TMEM132E: variants seen among roughly 807,000 people sequenced by gnomAD.
The protein encoded by TMEM132E is transmembrane protein 132E.
TMEM132E carries 49 observed loss-of-function variants against 78.5 expected under a neutral mutation model. The observed-to-expected ratio is 0.62, with a 90% CI of 0.50 to 0.79. The LOEUF is 0.79. Ranked by LOEUF, TMEM132E falls within the 30% of genes least tolerant of loss-of-function variation. The pLI is 0.00. For missense variants in TMEM132E, 1,403 were observed against 1,470.9 expected (o/e 0.95, Z 0.75); for synonymous variants, 715 against 670.6 (o/e 1.07, Z -1.02).
intron 1 of TMEM132E, among the ~76,000 whole-genome samples, chr17:34,587,134 A>G (rs1313458264): frequency 1.3e-5 from 2 of 152,030 alleles, no homozygotes; most frequent in African/African-American, 4.8e-5. Context: ...GGATAGGATG[A>G]CTCCTAAAAT....
intron 1 of TMEM132E, among the ~76,000 whole-genome samples, chr17:34,586,129 C>G (rs751892169): frequency 7.4e-4 from 112 of 152,134 alleles, no homozygotes; most frequent in Non-Finnish European, 1.3e-3. Context: ...CGCCTCTCTC[C>G]CCAAGCACAC....
intron 1 of TMEM132E, among the ~76,000 whole-genome samples, chr17:34,620,697 T>C (rs942522706): frequency 5.9e-5 from 9 of 152,206 alleles, no homozygotes; most frequent in African/African-American, 2.2e-4. Context: ...ATCCTCCTGA[T>C]CTGTCAGAGT....
Position 34,580,876 on chromosome 17 carries a change from C to A in TMEM132E, c.-201C>A, listed in dbSNP as rs937965512. ...CTCCCGCCCGGAGCTGCGCCCCCAC[C>A]GGCTCCGAGGGTGTAGCCGCCAGCG... On this transcript the variant is annotated 5_prime_UTR_variant, in exon 1 of 9. Transcript: ENST00000631683. The A allele has an allele frequency of 2.1e-6, 1 of 466,106 alleles. No homozygotes were observed. 28.9% of individuals were successfully genotyped at this position (466,106 alleles called of 1,614,324 possible).
Position 34,634,843 on chromosome 17 carries a change from G to A in TMEM132E, c.1733G>A (p.Arg578Gln), listed in dbSNP as rs755311028. 17 of 1,613,866 alleles carry A rather than the reference G, an allele frequency of 1.1e-5. No individual in the cohort carries two copies. The highest frequency in any genetic ancestry group is 2.2e-5 in the South Asian group (2 of 91,078). Residue 578 changes from arginine to glutamine, a missense_variant, in exon 7 of 9, where the codon CGG becomes CAG. Around this residue, in one of 3 missense-constraint regions of TMEM132E, gnomAD observed 888 missense variants for 952.8 expected, o/e 0.93. Transcript: ENST00000631683. ...SEDEDEEEEE[R>Q]RQSASRGCTL... ...GATGAGGATGAGGAGGAGGAGGAGC[G>A]GCGGCAGAGTGCAAGCCGTGGCTGC...
intron 1 of TMEM132E, among the ~76,000 whole-genome samples, chr17:34,595,086 T>C (rs2142055245): frequency 6.6e-6 from 1 of 152,326 alleles, no homozygotes; most frequent in South Asian, 2.1e-4. Flanking sequence ...TGTCATTCTG[T>C]AGGAACCACT....
chr17:34,606,938 C>T (rs1285296991), intron 1 of TMEM132E, among the ~76,000 whole-genome samples: 2 of 152,176 alleles, frequency 1.3e-5, no homozygotes, highest in Admixed American at 1.3e-4. Context: ...ACACAGCAGG[C>T]AGCAGCTCCG....
At chr17:34,616,479 C>T (rs549848460) in intron 1 of TMEM132E, among the ~76,000 whole-genome samples, 1 of 152,336 alleles carries the variant, frequency 6.6e-6, no homozygotes, top group East Asian at 1.9e-4. Flanking sequence ...TTATGTATTC[C>T]CCGGCTACAT....
chr17:34,638,292 A>G lies in TMEM132E; in HGVS notation c.*60A>G. The G allele has an allele frequency of 7.0e-7, 1 of 1,432,424 alleles. No individual in the cohort carries two copies. The highest frequency in any genetic ancestry group is 9.3e-7 in the Non-Finnish European group (1 of 1,080,536). The allele number at this position is 1,432,424 out of a possible 1,614,324, so 88.7% of individuals were successfully genotyped here. A position where few individuals can be genotyped will look rare whatever the true frequency, so the allele number is the denominator to read the frequency against. On this transcript the variant is annotated 3_prime_UTR_variant, in exon 9 of 9. Transcript: ENST00000631683. ...CAACGGGGTCAGCTCGGGGTAGGAC[A>G]CAGCCGGGACCCCGGTTCACACTGA...
intron 1 of TMEM132E, among the ~76,000 whole-genome samples, chr17:34,607,864 C>G (rs150107695): frequency 6.6e-6 from 1 of 152,200 alleles, no homozygotes; most frequent in East Asian, 1.9e-4. Flanking sequence ...AGCTTCTGTC[C>G]CCCTGAAGTT....
At chr17:34,622,401 G>A (rs1426934363) in intron 1 of TMEM132E, among the ~76,000 whole-genome samples, 1 of 152,254 alleles carries the variant, frequency 6.6e-6, no homozygotes, top group African/African-American at 2.4e-5. Context: ...GGTTCATGGT[G>A]GTGATGGGAG....
chr17:34,584,631 T>A (rs1243091967), intron 1 of TMEM132E, among the ~76,000 whole-genome samples: 2 of 152,078 alleles, frequency 1.3e-5, no homozygotes, highest in African/African-American at 4.8e-5. Flanking sequence ...AAGAAATGGA[T>A]GGGGTAGGAG....
intron 1 of TMEM132E, among the ~76,000 whole-genome samples, chr17:34,623,964 C>G (rs1907044867): frequency 6.6e-6 from 1 of 152,200 alleles, no homozygotes; most frequent in African/African-American, 2.4e-5. Flanking sequence ...CATCAGCTCC[C>G]AGCATTTCTT....
At chr17:34,595,935 G>T (rs1906042499) in intron 1 of TMEM132E, among the ~76,000 whole-genome samples, 1 of 152,158 alleles carries the variant, frequency 6.6e-6, no homozygotes, top group Admixed American at 6.5e-5. Flanking sequence ...CAAACAGCAT[G>T]AAATGTGAAC....
chr17:34,638,323 G>A lies in TMEM132E; in HGVS notation c.*91G>A. The A allele has an allele frequency of 3.0e-6, 4 of 1,337,690 alleles. No individual in the cohort carries two copies. The highest frequency in any genetic ancestry group is 4.0e-6 in the Non-Finnish European group (4 of 1,001,680). The allele number at this position is 1,337,690 out of a possible 1,614,324, so 82.9% of individuals were successfully genotyped here. ...GGGACCCCGGTTCACACTGACTCTG[G>A]GCGGCTGAATTGATTTTGTACTCCC... On this transcript the variant is annotated 3_prime_UTR_variant, in exon 9 of 9. Transcript: ENST00000631683.
chr17:34,625,570 A>G (rs533687778), intron 1 of TMEM132E, among the ~76,000 whole-genome samples: 26 of 152,280 alleles, frequency 1.7e-4, no homozygotes, highest in African/African-American at 6.0e-4. Flanking sequence ...GAAGTTACTG[A>G]TAGAAAACTG....
intron 1 of TMEM132E, 92 bp downstream of exon 1, chr17:34,581,235 C>A: frequency 8.6e-7 from 1 of 1,164,020 alleles, no homozygotes; most frequent in South Asian, 1.9e-5. Context: ...ACCCACACCC[C>A]CTGGACTCGC....
intron 1 of TMEM132E, among the ~76,000 whole-genome samples, chr17:34,615,346 C>T (rs1906741894): frequency 6.6e-6 from 1 of 152,116 alleles, no homozygotes; most frequent in Non-Finnish European, 1.5e-5. Context: ...GATTCCTCTG[C>T]CTAGGTCTCT....
At chr17:34,593,121 T>G (rs1905932860) in intron 1 of TMEM132E, among the ~76,000 whole-genome samples, 1 of 151,266 alleles carries the variant, frequency 6.6e-6, no homozygotes, top group East Asian at 1.9e-4. Context: ...CAACATGTAA[T>G]CAGGGCCAGG....
rs1335423607 is a variant in TMEM132E, at chr17:34,630,128, T to G, written c.1459T>G (p.Ser487Ala). 2 of 1,612,504 alleles carry G rather than the reference T, an allele frequency of 1.2e-6. No individual in the cohort carries two copies. Among genetic ancestry groups the G allele is most frequent in the Non-Finnish European group, 1.7e-6 (2 of 1,179,008 alleles). The change falls in exon 5 of 9, where the codon TCT becomes GCT. Residue 487 changes from serine (S) to alanine (A), a missense_variant. Physicochemically the swap from Ser to Ala is moderately conservative, Grantham distance 99. Transcript: ENST00000631683. ...CATCTCCGCCCTAGTGGAATGCGAG[T>G]CTGACAATGAAGACATCATCAAGGT... is the stretch of plus-strand genomic sequence containing the variant. ...LDISALVECE[S>A]DNEDIIKVSS...
Sources: gnomAD v4.1 joint callset for allele counts (sites outside exome capture counted in the v4.1 genomes callset) on GRCh38, gnomAD v4.1.1 for gene constraint, gnomAD v4.1.1 regional missense constraint, MANE v1.5 for transcripts, NCBI Gene and HGNC (gene_info 2026-07-23, HGNC 2026-07-21) for gene names.